The following ZFHX3 variants were observed in gnomAD, a reference collection of about 807,000 sequenced individuals.
The protein encoded by ZFHX3 is zinc finger homeobox 3, also known as zinc finger homeobox protein 3.
In ZFHX3, 42 loss-of-function variants were observed where a neutral mutation model predicts 279.1. The ratio of observed to expected loss-of-function variants is 0.15; its 90% CI spans 0.12 to 0.19. ZFHX3 has a LOEUF of 0.19. Ranked by LOEUF, ZFHX3 falls within the 10% of genes least tolerant of loss-of-function variation. ZFHX3 has a pLI of 1.00. For missense variants in ZFHX3, 4,981 were observed against 4,754.0 expected, an observed-to-expected ratio of 1.05 and a Z score of -1.40; for synonymous variants, 2,293 against 1,957.8, an observed-to-expected ratio of 1.17 and a Z score of -4.52.
At chr16:73,286,434 G>A (rs1035550806) in intron 4 of ZFHX3, among the ~76,000 whole-genome samples, 1 of 152,232 alleles carries the variant, frequency 6.6e-6, no homozygotes, top group African/African-American at 2.4e-5. Context: ...CTCAAGCTGT[G>A]ACCTTAAGTA....
intron 7 of ZFHX3, among the ~76,000 whole-genome samples, chr16:72,800,537 G>A (rs556687821): frequency 6.6e-6 from 1 of 152,270 alleles, no homozygotes; most frequent in East Asian, 1.9e-4. Flanking sequence ...AAAGTACACT[G>A]TAATCTTGAA....
intron 2 of ZFHX3, among the ~76,000 whole-genome samples, chr16:73,467,266 C>T (rs2143594048): frequency 6.6e-6 from 1 of 152,080 alleles, no homozygotes; most frequent in East Asian, 1.9e-4. Context: ...AGCAAGATAG[C>T]TCCAAAAGAA....
chr16:73,434,595 T>C (rs2017964762), intron 3 of ZFHX3, among the ~76,000 whole-genome samples: 1 of 124,752 alleles, frequency 8.0e-6, no homozygotes. Context: ...CTGTGTTGAC[T>C]CATCTATGGA....
chr16:73,467,668 T>A (rs1221883632), intron 2 of ZFHX3, among the ~76,000 whole-genome samples: 1 of 152,256 alleles, frequency 6.6e-6, no homozygotes, highest in East Asian at 1.9e-4. Flanking sequence ...TATTTTGTTT[T>A]GTTTTAACTT....
chr16:72,821,697 C>G lies in ZFHX3; in HGVS notation c.3529+8082G>C, dbSNP rs143257274. 6.6e-5 allele frequency among the ~76,000 whole-genome samples: 10 copies of G among 152,328 alleles called. 1 individual carries two copies. The highest frequency in any genetic ancestry group is 1.5e-4 in the Non-Finnish European group (10 of 68,036). On this transcript the variant is annotated intron_variant, in intron 5 of 9. Transcript: ENST00000268489. Reference sequence around the variant, plus strand: ...GGCTGTGTGACCTCGAGCATCCTATCTGACTACACTGAGCTTTCTGTTTCC... The same window carrying G: ...GGCTGTGTGACCTCGAGCATCCTATGTGACTACACTGAGCTTTCTGTTTCC...
intron 5 of ZFHX3, among the ~76,000 whole-genome samples, chr16:72,815,552 A>G (rs753961233): frequency 4.6e-5 from 7 of 152,200 alleles, no homozygotes; most frequent in African/African-American, 1.7e-4. Flanking sequence ...ATCAATTTCT[A>G]CTTCAGTTCT....
chr16:73,283,613 GA>G (rs1225542940), intron 4 of ZFHX3, among the ~76,000 whole-genome samples: 1 of 152,204 alleles, frequency 6.6e-6, no homozygotes, highest in Non-Finnish European at 1.5e-5. Flanking sequence ...ATGTTGTAAT[GA>G]CACCTGCTGA....
intron 2 of ZFHX3, among the ~76,000 whole-genome samples, chr16:73,475,787 T>A (rs867413412): frequency 6.6e-6 from 1 of 152,160 alleles, no homozygotes; most frequent in African/African-American, 2.4e-5. Flanking sequence ...GATTAAAATA[T>A]ATAAATACTT....
chr16:72,902,190 G>C (rs1021014963), intron 3 of ZFHX3, among the ~76,000 whole-genome samples: 4 of 152,206 alleles, frequency 2.6e-5, no homozygotes, highest in Admixed American at 2.6e-4. Flanking sequence ...CAAGATGTCA[G>C]CCTTGTTCTT....
chr16:73,804,156 A>G (rs1597122895), intron 1 of ZFHX3, among the ~76,000 whole-genome samples: 1 of 152,192 alleles, frequency 6.6e-6, no homozygotes, highest in Admixed American at 6.5e-5. Context: ...ACCCTGTCTC[A>G]AAAAACAAAA....
At chr16:73,233,890 C>A (rs1422829614) in intron 5 of ZFHX3, 5 of 152,114 alleles carry the variant, frequency 3.3e-5, no homozygotes, top group African/African-American at 1.2e-4. Context: ...TTAGGACTCC[C>A]CAGTACATTC....
intron 1 of ZFHX3, among the ~76,000 whole-genome samples, chr16:72,995,023 G>A (rs530776768): frequency 1.1e-4 from 16 of 152,234 alleles, no homozygotes; most frequent in East Asian, 5.8e-4. Flanking sequence ...AGCCTTCCCC[G>A]TAATCTGCTC....
chr16:73,684,774 T>G (rs897980467), intron 1 of ZFHX3, among the ~76,000 whole-genome samples: 1 of 150,494 alleles, frequency 6.6e-6, no homozygotes, highest in African/African-American at 2.5e-5. Context: ...GATCTCAGCT[T>G]ACTACAACCT....
Position 73,301,732 on chromosome 16 carries a change from T to C in ZFHX3, c.-1194+16508A>G, listed in dbSNP as rs372972746. On this transcript the variant is annotated intron_variant, in intron 4 of 17. Coordinates refer to the ZFHX3 transcript ENST00000641206. ...GAGCCAGTCTTTCACCTCATGATTA[T>C]ATTTGGAAAAGAAACTTGATTCCAG... Among the ~76,000 whole-genome samples, 8 of 151,342 alleles carry C rather than the reference T, an allele frequency of 5.3e-5. No homozygotes were observed. In the East Asian group the frequency reaches 9.7e-4, roughly 18 times the overall value.
At chr16:73,428,070 G>C (rs1002747175) in intron 3 of ZFHX3, among the ~76,000 whole-genome samples, 1 of 152,090 alleles carries the variant, frequency 6.6e-6, no homozygotes, top group Non-Finnish European at 1.5e-5. Context: ...TTATTTGGGA[G>C]GTCTACTAAG....
chr16:72,833,585 T>C (rs1035334058), intron 4 of ZFHX3, among the ~76,000 whole-genome samples: 2 of 152,180 alleles, frequency 1.3e-5, no homozygotes, highest in Admixed American at 1.3e-4. Flanking sequence ...CAAAACCATC[T>C]TCTCCTTCAA....
At position 72,959,626 on chromosome 16, in the gene ZFHX3, G is replaced by T. The variant is rs1417193236; in HGVS notation, c.520C>A (p.Leu174Ile). 6.2e-7 allele frequency: 1 copy of T among 1,614,130 alleles called. No individual in the cohort carries two copies. Among genetic ancestry groups the T allele is most frequent in the Admixed American group, 1.7e-5 (1 of 60,028 alleles). The change falls in exon 2 of 10, where the codon CTC becomes ATC. Residue 174 changes from leucine (L) to isoleucine (I), a missense_variant. Physicochemically the swap from Leu to Ile is conservative, Grantham distance 5 (BLOSUM62 2). Around this residue, in one of 7 missense-constraint regions of ZFHX3, gnomAD observed 1,068 missense variants for 935.2 expected, o/e 1.14. Coordinates refer to ENST00000268489, the MANE Select transcript of ZFHX3 (RefSeq NM_006885.4). ...GPLPSLFLNSLPGAGGKQGDP... is the reference protein window; with the variant it reads ...GPLPSLFLNSIPGAGGKQGDP... ...CCTTGCTTGCCCCCCGCGCCAGGGA[G>T]AGAGTTCAGGAAAAGCGAGGGGAGA... is the stretch of plus-strand genomic sequence containing the variant.
intron 5 of ZFHX3, among the ~76,000 whole-genome samples, chr16:72,822,928 A>G (rs1479177580): frequency 2.6e-5 from 4 of 151,984 alleles, no homozygotes; most frequent in Non-Finnish European, 5.9e-5. Flanking sequence ...AAGACCTTTG[A>G]ATTAACTGGA....
At chr16:73,080,610 G>T (rs1426070957) in intron 8 of ZFHX3, among the ~76,000 whole-genome samples, 1 of 151,862 alleles carries the variant, frequency 6.6e-6, no homozygotes, top group Non-Finnish European at 1.5e-5. Context: ...ATCTTGCTGT[G>T]TTGCCTAGGC....
Sources: gnomAD v4.1 joint callset for allele counts (sites outside exome capture counted in the v4.1 genomes callset) on GRCh38, gnomAD v4.1.1 for gene constraint, gnomAD v4.1.1 regional missense constraint, MANE v1.5 for transcripts, NCBI Gene and HGNC (gene_info 2026-07-23, HGNC 2026-07-21) for gene names.